Variants in IDE observed in about 807,000 individuals in gnomAD.
IDE encodes insulin-degrading enzyme.
Under a neutral mutation model 133.2 loss-of-function variants are expected in IDE, and 58 were observed. That is an observed-to-expected ratio of 0.44 (90% CI 0.35 to 0.54). The LOEUF (loss-of-function observed/expected upper bound fraction) is 0.54, where lower values mean the gene tolerates loss of function less well. Ranked by LOEUF, IDE falls within the 20% of genes least tolerant of loss-of-function variation. IDE has a pLI of 0.00. For missense variants in IDE, 981 were observed against 1,234.0 expected (o/e 0.79, Z 3.07); for synonymous variants, 396 against 421.3 (o/e 0.94, Z 0.73).
chr10:92,489,860 C>T (rs1847238440), intron 12 of IDE, among the ~76,000 whole-genome samples: 1 of 152,152 alleles, frequency 6.6e-6, no homozygotes, highest in African/African-American at 2.4e-5. Flanking sequence ...GTTTTCTGGT[C>T]TTTTCCCAGG....
chr10:92,461,614 C>T (rs1315602666), intron 21 of IDE, among the ~76,000 whole-genome samples: 3 of 152,286 alleles, frequency 2.0e-5, no homozygotes, highest in South Asian at 2.1e-4. Context: ...CCTCAGCCTC[C>T]CAAAGTGCCG....
chr10:92,499,791 G>A lies in IDE; in HGVS notation c.1430+5003C>T, dbSNP rs540317621. Among the ~76,000 whole-genome samples, 3 of 152,216 alleles carry A rather than the reference G, an allele frequency of 2.0e-5. No homozygotes were observed. In the East Asian group the frequency reaches 5.8e-4, roughly 29 times the overall value. On this transcript the variant is annotated intron_variant, in intron 11 of 24. Transcript: ENST00000265986. ...TCTATCTGAGAAATCTTTGCCTATC[G>A]CAAGGTTTTGAAGATATTTTTCTAT...
intron 7 of IDE, 47 bp downstream of exon 7, chr10:92,508,681 T>G: frequency 1.3e-6 from 2 of 1,552,416 alleles, no homozygotes; most frequent in South Asian, 2.2e-5. Flanking sequence ...AGAGCCAGAG[T>G]GAAAAGATGT....
intron 22 of IDE, among the ~76,000 whole-genome samples, chr10:92,457,310 A>G (rs146601082): frequency 1.7e-3 from 260 of 152,312 alleles, no homozygotes; most frequent in Admixed American, 3.1e-3. Flanking sequence ...GTCCTGCGTT[A>G]TATCAGGCAC....
At chr10:92,552,857 C>CATAAAAAAAAAAAAAA (rs1842846427) in intron 1 of IDE, among the ~76,000 whole-genome samples, 1 of 49,380 alleles carries the variant, frequency 2.0e-5, no homozygotes, top group African/African-American at 1.1e-4. Flanking sequence ...GACTCAGTCT[C>CATAAAAAAAAAAAAAA]AAAAAAAAAA....
At chr10:92,457,800 CCT>C (rs1252852447) in intron 22 of IDE, among the ~76,000 whole-genome samples, 1 of 152,170 alleles carries the variant, frequency 6.6e-6, no homozygotes, top group East Asian at 1.9e-4. Context: ...GCAAGGAAGC[CCT>C]GTTGATGTTG....
chr10:92,545,343 T>C (rs1369692967), intron 1 of IDE, among the ~76,000 whole-genome samples: 1 of 152,148 alleles, frequency 6.6e-6, no homozygotes, highest in Non-Finnish European at 1.5e-5. Context: ...TGATTATGTA[T>C]ATAGAAAATC....
intron 22 of IDE, among the ~76,000 whole-genome samples, chr10:92,457,424 G>A (rs1368913415): frequency 6.6e-6 from 1 of 152,046 alleles, no homozygotes; most frequent in Admixed American, 6.6e-5. Context: ...GAATTACATG[G>A]GTCACACAGT....
rs1564632694 is a variant in IDE, at chr10:92,507,712, T to C, written c.1154-46A>G. ...TAAAAACCATTCAGTCCTTGAATCC[T>C]TCAAAGCAGTGAGCTCACTCCTAAG... On this transcript the variant is annotated intron_variant, in intron 8 of 24. Transcript: ENST00000265986. 6 of 1,025,842 alleles carry C rather than the reference T, an allele frequency of 5.8e-6. No individual in the cohort carries two copies. The Middle Eastern group carries it at 6.1e-4, about 104-fold the overall frequency. 63.5% of individuals were successfully genotyped at this position (1,025,842 alleles called of 1,614,324 possible).
chr10:92,518,728 A>G lies in IDE; in HGVS notation c.662-3686T>C, dbSNP rs1849056457. On this transcript the variant is annotated intron_variant, in intron 4 of 24. Transcript: ENST00000265986. ...AATAAAATACAAAAATTATCAGAGG[A>G]ATACTCATCAATATGGACAACTCTT... Among the ~76,000 whole-genome samples the G allele has an allele frequency of 1.3e-5, 2 of 152,252 alleles. 1 individual carries two copies. The highest frequency in any genetic ancestry group is 4.1e-4 in the South Asian group (2 of 4,834).
chr10:92,510,840 C>T (rs185865592), intron 5 of IDE, among the ~76,000 whole-genome samples: 19 of 150,482 alleles, frequency 1.3e-4, no homozygotes, highest in Admixed American at 1.2e-3. Flanking sequence ...ACATACATAT[C>T]ACACATATGA....
In IDE at chr10:92,463,965, T is replaced by C; in HGVS notation, c.2527A>G (p.Ile843Val). ...TGGATGATGAATCTCAAGCCCTGTATGCCATTAGCTCGACGTGGCCCGCTG... is the reference window on the plus strand; with the variant it reads ...TGGATGATGAATCTCAAGCCCTGTACGCCATTAGCTCGACGTGGCCCGCTG... The part of the protein sequence containing the change: ...VFSGPRRANG[I>V]QGLRFIIQSE... Residue 843 changes from isoleucine to valine, a missense_variant, in exon 21 of 25, where the codon ATA becomes GTA. Around this residue, in one of 2 missense-constraint regions of IDE, gnomAD observed 660 missense variants for 894.7 expected, o/e 0.74. Transcript: ENST00000265986. The C allele has an allele frequency of 6.2e-7, 1 of 1,614,118 alleles. No individual in the cohort carries two copies. The highest frequency in any genetic ancestry group is 8.5e-7 in the Non-Finnish European group (1 of 1,179,942).
chr10:92,535,918 C>G (rs1841974932), intron 2 of IDE, among the ~76,000 whole-genome samples: 1 of 151,952 alleles, frequency 6.6e-6, no homozygotes, highest in African/African-American at 2.4e-5. Context: ...CGCCTATAAT[C>G]CCAGCTACTA....
intron 4 of IDE, among the ~76,000 whole-genome samples, chr10:92,523,102 T>A (rs1379745177): frequency 6.6e-6 from 1 of 152,160 alleles, no homozygotes; most frequent in African/African-American, 2.4e-5. Flanking sequence ...TTTATATTTA[T>A]AATCCTATGA....
intron 24 of IDE, among the ~76,000 whole-genome samples, chr10:92,455,108 G>T (rs934509533): frequency 8.6e-5 from 13 of 152,014 alleles, no homozygotes; most frequent in Non-Finnish European, 1.9e-4. Context: ...AGATGTTCAG[G>T]GAAGAACTAA....
chr10:92,476,668 GAAACAAA>G (rs1846270884), intron 15 of IDE, among the ~76,000 whole-genome samples: 7 of 152,004 alleles, frequency 4.6e-5, no homozygotes. Flanking sequence ...TTACTTTTCT[GAAACAAA>G]ACCAACAGTA....
At chr10:92,571,458 T>A (rs887204927) in intron 1 of IDE, among the ~76,000 whole-genome samples, 5 of 152,192 alleles carry the variant, frequency 3.3e-5, no homozygotes, top group Non-Finnish European at 5.9e-5. Flanking sequence ...CCAACTGACA[T>A]ACCACTGTTT....
intron 1 of IDE, among the ~76,000 whole-genome samples, chr10:92,545,450 AC>A (rs1842497620): frequency 6.6e-6 from 1 of 152,244 alleles, no homozygotes; most frequent in South Asian, 2.1e-4. Flanking sequence ...ATGATAAATT[AC>A]AAAAATCACA....
intron 11 of IDE, among the ~76,000 whole-genome samples, chr10:92,491,536 C>T (rs1227077601): frequency 6.6e-6 from 1 of 152,016 alleles, no homozygotes; most frequent in African/African-American, 2.4e-5. Context: ...CTCCCGGGTT[C>T]AAGAACTCTC....
Sources: allele counts gnomAD v4.1 joint callset (sites outside exome capture counted in the v4.1 genomes callset), GRCh38; gene constraint gnomAD v4.1.1; regional missense constraint gnomAD v4.1.1; transcripts MANE v1.5; gene names NCBI Gene and HGNC (gene_info 2026-07-23, HGNC 2026-07-21).